Variants in ADCY1 observed in about 807,000 individuals in gnomAD.
The protein encoded by ADCY1 is adenylate cyclase 1.
ADCY1 carries 28 observed loss-of-function variants against 105.4 expected under a neutral mutation model. The observed-to-expected ratio is 0.27, with a 90% CI of 0.20 to 0.36. ADCY1 has a LOEUF of 0.36. ADCY1 is among the 10% of genes least tolerant of loss of function. The probability of loss-of-function intolerance (pLI) is 1.00; values close to 1 mark genes in which losing one functional copy is unlikely to be tolerated. For synonymous variants in ADCY1, 655 were observed against 623.8 expected, an observed-to-expected ratio of 1.05 and a Z score of -0.75; for missense variants, 977 against 1,434.2, an observed-to-expected ratio of 0.68 and a Z score of 5.15.
intron 4 of ADCY1, among the ~76,000 whole-genome samples, chr7:45,637,201 C>T (rs1794414456): frequency 6.6e-6 from 1 of 152,160 alleles, no homozygotes; most frequent in Non-Finnish European, 1.5e-5. Flanking sequence ...AAGAAACTTA[C>T]AATTATATAC....
In ADCY1 at chr7:45,641,722, C is replaced by T. The variant is rs931749714; in HGVS notation, c.1021-6948C>T. On this transcript the variant is annotated intron_variant, in intron 4 of 19. Coordinates refer to ENST00000297323, the MANE Select transcript of ADCY1 (RefSeq NM_021116.4). ...CAGGTGGATCATGAGGTCAGGAGAT[C>T]GAGACCATCCTGGCCAACAAGGTGA... Among the ~76,000 whole-genome samples the T allele has an allele frequency of 5.3e-5, 8 of 149,616 alleles. 1 individual carries two copies. The highest frequency in any genetic ancestry group is 4.4e-4 in the South Asian group (2 of 4,548).
intron 11 of ADCY1, chr7:45,680,653 A>G (rs1038752721): frequency 3.3e-5 from 5 of 152,234 alleles, no homozygotes; most frequent in African/African-American, 7.2e-5. Context: ...TTAAAACTTC[A>G]TTCCTATTTC....
At chr7:45,649,667 A>C (rs1794758083) in intron 5 of ADCY1, among the ~76,000 whole-genome samples, 1 of 152,220 alleles carries the variant, frequency 6.6e-6, no homozygotes, top group Admixed American at 6.5e-5. Flanking sequence ...TGCCCCATGC[A>C]GTGCTCCTGC....
Position 45,710,495 on chromosome 7 carries a change from C to A in ADCY1, c.2933-33C>A, listed in dbSNP as rs1292551486. The A allele has an allele frequency of 6.2e-7, 1 of 1,607,584 alleles. No homozygotes were observed. The highest frequency in any genetic ancestry group is 2.2e-5 in the East Asian group (1 of 44,690). ...GGTGGGGTGAGTTACACTTTTCCCGCTGATGACAGGTCATGCGCTGGCTGT... is the reference window on the plus strand; with the variant it reads ...GGTGGGGTGAGTTACACTTTTCCCGATGATGACAGGTCATGCGCTGGCTGT... On this transcript the variant is annotated intron_variant, in intron 18 of 19. Coordinates refer to ENST00000297323, the MANE Select transcript of ADCY1 (RefSeq NM_021116.4). The surrounding 1 kb of genome is among the most constrained non-coding windows in gnomAD (Gnocchi z 4.7).
chr7:45,699,207 G>A (rs966319060), intron 14 of ADCY1, among the ~76,000 whole-genome samples: 4 of 152,224 alleles, frequency 2.6e-5, no homozygotes, highest in Admixed American at 2.6e-4. Context: ...GGAACTGAAA[G>A]TAGGATGTAG....
chr7:45,589,118 C>G (rs753487625), intron 1 of ADCY1, among the ~76,000 whole-genome samples: 148 of 152,260 alleles, frequency 9.7e-4, no homozygotes, highest in Non-Finnish European at 1.7e-3. Context: ...GAAGGCAGGG[C>G]TATGGCAGGG....
intron 8 of ADCY1, among the ~76,000 whole-genome samples, chr7:45,677,082 C>A (rs1784470204): frequency 6.6e-6 from 1 of 152,068 alleles, no homozygotes; most frequent in Non-Finnish European, 1.5e-5. Flanking sequence ...CACTGTTTTC[C>A]TTTGAGTTGC....
At chr7:45,619,626 A>G (rs1793837872) in intron 3 of ADCY1, among the ~76,000 whole-genome samples, 1 of 152,194 alleles carries the variant, frequency 6.6e-6, no homozygotes, top group South Asian at 2.1e-4. Context: ...ACATTACTGT[A>G]ACCTAAGTAA....
rs142139436 is a variant in ADCY1 at position 45,591,684 on chromosome 7, C to T, written c.640-1075C>T. The stretch of plus-strand genomic sequence containing the variant: ...GCCTCTGGCAGGACATGCCATGGCC[C>T]TGCATGGCTCGTCAGAGTTGCCTGT... On this transcript the variant is annotated intron_variant, in intron 1 of 19. Coordinates refer to ENST00000297323, the MANE Select transcript of ADCY1 (RefSeq NM_021116.4). The surrounding 1 kb of genome is among the most constrained non-coding windows in gnomAD (Gnocchi z 4.1). Among the ~76,000 whole-genome samples the T allele has an allele frequency of 1.5e-3, 228 of 152,398 alleles. 1 individual carries two copies. Among genetic ancestry groups the T allele is most frequent in the African/African-American group, 5.2e-3 (216 of 41,602 alleles).
At chr7:45,709,807 G>T (rs151211013) in intron 18 of ADCY1, among the ~76,000 whole-genome samples, 1 of 152,364 alleles carries the variant, frequency 6.6e-6, no homozygotes, top group Non-Finnish European at 1.5e-5. Flanking sequence ...TCCTGCCGAG[G>T]ACGGGCCAGG....
chr7:45,684,788 T>C, intron 11 of ADCY1, 191 bp from the exon 12 acceptor site: 1 of 503,454 alleles, frequency 2.0e-6, no homozygotes, highest in Non-Finnish European at 3.5e-6. Flanking sequence ...TTTTTTTAAC[T>C]TTGGCAAGCT....
In ADCY1 at chr7:45,662,148, C is replaced by T; in HGVS notation, c.1539C>T (p.His513=). The change falls in exon 8 of 20, where the codon CAC becomes CAT. Residue 513 remains histidine (H), a synonymous_variant. Coordinates refer to ENST00000297323, the MANE Select transcript of ADCY1 (RefSeq NM_021116.4). ...TVCYLLVQLM[H]CRKMFKAEIP... ...GCTACCTGCTGGTGCAGCTCATGCACTGCCGGAAAATGTTCAAGGCCGAGA... is the reference window on the plus strand; with the variant it reads ...GCTACCTGCTGGTGCAGCTCATGCATTGCCGGAAAATGTTCAAGGCCGAGA... 1.2e-6 allele frequency: 2 copies of T among 1,614,144 alleles called. No homozygotes were observed. The highest frequency in any genetic ancestry group is 1.6e-4 in the Middle Eastern group (1 of 6,062).
At chr7:45,601,391 G>A (rs1793233739) in intron 2 of ADCY1, among the ~76,000 whole-genome samples, 1 of 152,208 alleles carries the variant, frequency 6.6e-6, no homozygotes, top group South Asian at 2.1e-4. Flanking sequence ...AGTGTGGCTG[G>A]TTGTGGGTGA....
At position 45,717,684 on chromosome 7, in the gene ADCY1, C is replaced by T. The variant is rs1017884897; in HGVS notation, c.*3689C>T. 1.8e-4 allele frequency: 28 copies of T among 152,152 alleles called. No homozygotes were observed. The highest frequency in any genetic ancestry group is 6.3e-4 in the African/African-American group (26 of 41,396). The allele number at this position is 152,152 out of a possible 1,614,324, so 9.4% of individuals were successfully genotyped here. On this transcript the variant is annotated 3_prime_UTR_variant, in exon 20 of 20. Coordinates refer to ENST00000297323, the MANE Select transcript of ADCY1 (RefSeq NM_021116.4). ...CTTGCATGCCTTTCATGCCTGATGC[C>T]GTAGAGTAGAACACAGCCCCGGAAT... is the stretch of plus-strand genomic sequence containing the variant.
At chr7:45,624,675 G>C (rs544652936) in intron 4 of ADCY1, among the ~76,000 whole-genome samples, 9 of 152,278 alleles carry the variant, frequency 5.9e-5, no homozygotes, top group African/African-American at 2.2e-4. Context: ...GGTCTGCAAT[G>C]CCCTTGCAGT....
At chr7:45,697,551 C>T (rs1050203542) in intron 14 of ADCY1, among the ~76,000 whole-genome samples, 4 of 152,090 alleles carry the variant, frequency 2.6e-5, no homozygotes, top group Non-Finnish European at 4.4e-5. Flanking sequence ...CCACCACGCC[C>T]GGCTAATTTT....
chr7:45,615,681 T>C (rs964618752), intron 3 of ADCY1, among the ~76,000 whole-genome samples: 2 of 151,980 alleles, frequency 1.3e-5, no homozygotes, highest in Non-Finnish European at 2.9e-5. Context: ...TACCCAAACT[T>C]ATGGGATGGA....
At chr7:45,577,299 A>G (rs561883607) in intron 1 of ADCY1, among the ~76,000 whole-genome samples, 55 of 152,336 alleles carry the variant, frequency 3.6e-4, no homozygotes, top group Middle Eastern at 3.4e-3. Flanking sequence ...AGAATGTTCT[A>G]TTCAAGTCCA....
At chr7:45,627,104 C>T (rs772389505) in intron 4 of ADCY1, among the ~76,000 whole-genome samples, 1 of 152,150 alleles carries the variant, frequency 6.6e-6, no homozygotes, top group Non-Finnish European at 1.5e-5. Flanking sequence ...AGACAAAGGC[C>T]AAGTTGTTGA....
Sources: gnomAD v4.1 joint callset for allele counts (sites outside exome capture counted in the v4.1 genomes callset) on GRCh38, gnomAD v4.1.1 for gene constraint, Gnocchi (gnomAD v3.1) non-coding constraint, MANE v1.5 for transcripts, NCBI Gene and HGNC (gene_info 2026-07-23, HGNC 2026-07-21) for gene names.